The following SLC38A2 variants were observed in gnomAD, a reference collection of about 807,000 sequenced individuals.
SLC38A2 encodes sodium-coupled neutral amino acid symporter 2.
A neutral mutation model predicts 61.5 loss-of-function variants in SLC38A2; 11 were observed. The observed-to-expected ratio is 0.18, with a 90% CI of 0.11 to 0.30. The LOEUF (loss-of-function observed/expected upper bound fraction) is 0.30. Ranked by LOEUF, SLC38A2 falls within the 10% of genes least tolerant of loss-of-function variation. The probability of loss-of-function intolerance (pLI) is 1.00; values close to 1 mark genes in which losing one functional copy is unlikely to be tolerated. For synonymous variants in SLC38A2, 217 were observed against 212.5 expected (o/e 1.02, Z -0.18); for missense variants, 522 against 600.4 (o/e 0.87, Z 1.36).
intron 1 of SLC38A2, 53 bp downstream of exon 1, chr12:46,372,456 A>C (rs1371400450): frequency 1.4e-4 from 44 of 304,210 alleles, no homozygotes; most frequent in South Asian, 1.8e-4. Context: ...CCCCTCCCCC[A>C]CTCTCGCCCG....
At position 46,363,991 on chromosome 12, in the gene SLC38A2, C is replaced by G; in HGVS notation, c.886G>C (p.Val296Leu). The stretch of plus-strand genomic sequence containing the variant: ...ACAAATGAAAAGATCAGAATTGGCA[C>G]AGCATAGACAGTCTGAAAGAAAACG... ...FIFNSQTVYA[V>L]PILIFSFVCH... is the part of the protein sequence containing the mutation. The change falls in exon 11 of 16, where the codon GTG becomes CTG. Residue 296 changes from valine (V) to leucine (L), a missense_variant. Transcript: ENST00000256689. 1 of 1,607,178 alleles carries G rather than the reference C, an allele frequency of 6.2e-7. No individual in the cohort carries two copies. The highest frequency in any genetic ancestry group is 2.2e-5 in the East Asian group (1 of 44,688).
chr12:46,366,986 C>G (rs373127502), intron 6 of SLC38A2, 41 bp from the exon 7 acceptor site: 1 of 1,606,652 alleles, frequency 6.2e-7, no homozygotes, highest in Non-Finnish European at 8.5e-7. Context: ...GTGCAAAACG[C>G]GGCACGTGAC....
Position 46,361,091 on chromosome 12 carries a change from T to A in SLC38A2, c.*20A>T. On this transcript the variant is annotated 3_prime_UTR_variant, in exon 16 of 16. Coordinates refer to ENST00000256689, the MANE Select transcript of SLC38A2 (RefSeq NM_018976.5). ...AACACTGGCATCAGATGGACTGAGTTTGAGTTTGAGTGGTGCCAATTAATG... is the reference window on the plus strand; with the variant it reads ...AACACTGGCATCAGATGGACTGAGTATGAGTTTGAGTGGTGCCAATTAATG... 1 of 1,596,504 alleles carries A rather than the reference T, an allele frequency of 6.3e-7. No individual in the cohort carries two copies. Among genetic ancestry groups the A allele is most frequent in the Non-Finnish European group, 8.6e-7 (1 of 1,165,922 alleles).
chr12:46,367,231 T>A, intron 5 of SLC38A2, 36 bp downstream of exon 5: 1 of 1,577,630 alleles, frequency 6.3e-7, no homozygotes, highest in Non-Finnish European at 8.7e-7. Context: ...ATGATAGGTA[T>A]ACATTGTTTT....
chr12:46,366,827 T>C, intron 7 of SLC38A2, 37 bp downstream of exon 7: 2 of 1,544,410 alleles, frequency 1.3e-6, no homozygotes, highest in South Asian at 1.2e-5. Flanking sequence ...CTTTTGACTA[T>C]AATTGTTTCT....
At chr12:46,372,354 CA>C (rs1943214449) in intron 1 of SLC38A2, 154 bp downstream of exon 1, 1 of 230,486 alleles carries the variant, frequency 4.3e-6, no homozygotes, top group Non-Finnish European at 8.4e-6. Flanking sequence ...CGCGGCGGGC[CA>C]GGGTGGAAGG....
rs959803908 is a variant in SLC38A2, at chr12:46,358,659, T to C, written c.*2452A>G. The C allele has an allele frequency of 6.6e-6, 1 of 152,578 alleles. No homozygotes were observed. Among genetic ancestry groups the C allele is most frequent in the Non-Finnish European group, 1.5e-5 (1 of 68,034 alleles). 9.5% of individuals were successfully genotyped at this position (152,578 alleles called of 1,614,324 possible). On this transcript the variant is annotated 3_prime_UTR_variant, in exon 16 of 16. Transcript: ENST00000256689. ...TGCAGTTAAGAAACTTACAGGAATA[T>C]ATACACTTGAACCCAAGACCCAAAC... is the stretch of plus-strand genomic sequence containing the variant.
At chr12:46,372,059 A>G (rs1334957355) in intron 1 of SLC38A2, among the ~76,000 whole-genome samples, 1 of 152,206 alleles carries the variant, frequency 6.6e-6, no homozygotes, top group Non-Finnish European at 1.5e-5. Context: ...AAACTGATGC[A>G]ATATCGATCG....
At chr12:46,371,520 G>A in intron 1 of SLC38A2, 141 bp from the exon 2 acceptor site, 1 of 505,890 alleles carries the variant, frequency 2.0e-6, no homozygotes, top group Non-Finnish European at 3.5e-6. Flanking sequence ...GGGCGGGGGC[G>A]CGCCGAGGGG....
At chr12:46,365,643 A>G (rs1200169782) in intron 7 of SLC38A2, among the ~76,000 whole-genome samples, 1 of 152,132 alleles carries the variant, frequency 6.6e-6, no homozygotes, top group East Asian at 1.9e-4. Context: ...GCGTTAGCAA[A>G]TATTATTAAA....
rs149702701 is a variant in SLC38A2 at position 46,367,115 on chromosome 12, G to A, written c.442C>T (p.Leu148Phe). Residue 148 changes from leucine to phenylalanine, a missense_variant, in exon 6 of 16, where the codon CTT becomes TTT. Transcript: ENST00000256689. ...GYKAFGLVGK[L>F]AASGSITMQN... The stretch of plus-strand genomic sequence containing the variant: ...ATTGTAATTGATCCAGATGCTGCAA[G>A]CTTTCCAACTAATCCAAATGCCTTA... The A allele has an allele frequency of 6.2e-6, 10 of 1,614,010 alleles. No homozygotes were observed. The African/African-American group carries it at 1.3e-4, about 22-fold the overall frequency.
chr12:46,365,295 AC>A, intron 7 of SLC38A2, 106 bp from the exon 8 acceptor site: 1 of 900,966 alleles, frequency 1.1e-6, no homozygotes, highest in South Asian at 1.4e-5. Context: ...AAACAAACAC[AC>A]AAAAAAGACA....
At chr12:46,364,265 A>G in intron 10 of SLC38A2, 124 bp downstream of exon 10, 1 of 1,051,284 alleles carries the variant, frequency 9.5e-7, no homozygotes, top group Non-Finnish European at 1.4e-6. Context: ...AGTCCTCAAT[A>G]ATTAGCTAAT....
At chr12:46,365,293 A>C in intron 7 of SLC38A2, 104 bp from the exon 8 acceptor site, 2 of 941,536 alleles carry the variant, frequency 2.1e-6, no homozygotes, top group Non-Finnish European at 1.7e-6. Context: ...GAAAACAAAC[A>C]CACAAAAAAG....
chr12:46,359,658 A>T lies in SLC38A2; in HGVS notation c.*1453T>A, dbSNP rs962272399. 8.5e-5 allele frequency: 13 copies of T among 152,492 alleles called. No homozygotes were observed. The highest frequency in any genetic ancestry group is 3.1e-4 in the African/African-American group (13 of 41,452). 9.4% of individuals were successfully genotyped at this position (152,492 alleles called of 1,614,324 possible). A position where few individuals can be genotyped will look rare whatever the true frequency, so the allele number is the denominator to read the frequency against. ...CACATTATTTAATAATATATTCACCATACACTGTGACGTACGATAAATGTG... is the reference window on the plus strand; with the variant it reads ...CACATTATTTAATAATATATTCACCTTACACTGTGACGTACGATAAATGTG... On this transcript the variant is annotated 3_prime_UTR_variant, in exon 16 of 16. Transcript: ENST00000256689.
chr12:46,368,281 A>G (rs546937734), intron 4 of SLC38A2, among the ~76,000 whole-genome samples: 1 of 152,326 alleles, frequency 6.6e-6, no homozygotes, highest in East Asian at 1.9e-4. Context: ...ATACAGGCCC[A>G]CTATTGTCAC....
intron 4 of SLC38A2, 123 bp downstream of exon 4, chr12:46,370,389 T>TTA: frequency 1.4e-6 from 1 of 719,632 alleles, no homozygotes; most frequent in East Asian, 2.5e-5. Context: ...TCTCATACTT[T>TTA]TAATTTTAAG....
intron 10 of SLC38A2, 57 bp from the exon 11 acceptor site, chr12:46,364,060 T>C (rs1198858643): frequency 7.2e-7 from 1 of 1,389,906 alleles, no homozygotes; most frequent in African/African-American, 1.5e-5. Context: ...TGCTGTCACA[T>C]TTCCGCAGCA....
rs1943052405 is a variant in SLC38A2 at position 46,359,020 on chromosome 12, A to G, written c.*2091T>C. 1 of 152,136 alleles carries G rather than the reference A, an allele frequency of 6.6e-6. No individual in the cohort carries two copies. The highest frequency in any genetic ancestry group is 2.1e-4 in the South Asian group (1 of 4,826). The allele number at this position is 152,136 out of a possible 1,614,324, so 9.4% of individuals were successfully genotyped here. On this transcript the variant is annotated 3_prime_UTR_variant, in exon 16 of 16. Transcript: ENST00000256689. ...CAGAGGATTGGAGGAGCTTCCTCACATTAATTTGCTGTAGAGAAAAGAATT... is the reference window on the plus strand; with the variant it reads ...CAGAGGATTGGAGGAGCTTCCTCACGTTAATTTGCTGTAGAGAAAAGAATT...
Sources: allele counts gnomAD v4.1 joint callset (sites outside exome capture counted in the v4.1 genomes callset), GRCh38; gene constraint gnomAD v4.1.1; transcripts MANE v1.5; gene names NCBI Gene and HGNC (gene_info 2026-07-23, HGNC 2026-07-21).